Variants in GLT1D1 observed in about 807,000 individuals in gnomAD.
GLT1D1 encodes the protein glycosyltransferase 1 domain-containing protein 1.
Under a neutral mutation model 28.7 loss-of-function variants are expected in GLT1D1, and 21 were observed. The ratio of observed to expected loss-of-function variants is 0.73; its 90% CI spans 0.52 to 1.05. GLT1D1 has a LOEUF of 1.05. Ranked by LOEUF, GLT1D1 falls within the 50% of genes least tolerant of loss-of-function variation. GLT1D1 has a pLI of 0.00. For missense variants in GLT1D1, 343 were observed against 330.6 expected, an observed-to-expected ratio of 1.04 and a Z score of -0.29; for synonymous variants, 147 against 124.8, an observed-to-expected ratio of 1.18 and a Z score of -1.19.
intron 2 of GLT1D1, among the ~76,000 whole-genome samples, chr12:128,884,365 A>C (rs1957131045): frequency 6.6e-6 from 1 of 152,194 alleles, no homozygotes; most frequent in Non-Finnish European, 1.5e-5. Context: ...ATAGAAGCAG[A>C]GAGTAGTAGG....
intron 3 of GLT1D1, among the ~76,000 whole-genome samples, chr12:128,897,181 G>A (rs1367565423): frequency 6.6e-6 from 1 of 151,772 alleles, no homozygotes; most frequent in Non-Finnish European, 1.5e-5. Flanking sequence ...ACATTTTATG[G>A]TCCCTTATAT....
chr12:128,919,116 T>C (rs1398853171), intron 4 of GLT1D1, among the ~76,000 whole-genome samples: 3 of 152,208 alleles, frequency 2.0e-5, no homozygotes, highest in Non-Finnish European at 4.4e-5. Context: ...TTCGCATTTG[T>C]GCCATCGTTT....
intron 2 of GLT1D1, among the ~76,000 whole-genome samples, chr12:128,886,216 A>T (rs941858422): frequency 2.6e-5 from 4 of 152,152 alleles, no homozygotes. Flanking sequence ...GCCCAGACAT[A>T]TCCAATTGCC....
intron 5 of GLT1D1, among the ~76,000 whole-genome samples, chr12:128,946,719 GCTC>G (rs1876147989): frequency 8.0e-6 from 1 of 125,546 alleles, no homozygotes; most frequent in African/African-American, 3.1e-5. Flanking sequence ...CACAATCTCA[GCTC>G]ACTGCAATCT....
intron 3 of GLT1D1, among the ~76,000 whole-genome samples, chr12:128,898,778 A>C (rs1468752072): frequency 1.3e-5 from 2 of 152,204 alleles, no homozygotes; most frequent in African/African-American, 4.8e-5. Flanking sequence ...GCATTTCCTA[A>C]AGAAGCAATT....
rs541680473 is a variant in GLT1D1 at position 128,901,284 on chromosome 12, T to C, written c.375+1997T>C. Among the ~76,000 whole-genome samples the C allele has an allele frequency of 8.5e-5, 13 of 152,192 alleles. No homozygotes were observed. In the South Asian group the frequency reaches 1.7e-3, roughly 19 times the overall value. On this transcript the variant is annotated intron_variant, in intron 4 of 7. Coordinates refer to ENST00000281703, the MANE Select transcript of GLT1D1 (RefSeq NM_144669.3). ...TCAAATATTAACTTTTGAATACATG[T>C]TGTTATTTTTTTTTTAGTAGAGATG... is the stretch of plus-strand genomic sequence containing the variant.
chr12:128,921,836 C>T (rs758687823), intron 4 of GLT1D1, among the ~76,000 whole-genome samples: 4 of 152,040 alleles, frequency 2.6e-5, no homozygotes, highest in South Asian at 2.1e-4. Context: ...TTCATCTTGA[C>T]GTCACCTGCG....
chr12:128,871,924 A>AT (rs199678873), intron 1 of GLT1D1, among the ~76,000 whole-genome samples: 5,977 of 151,440 alleles, frequency 0.039, 160 homozygotes, highest in Non-Finnish European at 0.056. Context: ...TTCAAGGGTA[A>AT]TTTTTTTTTA....
At chr12:128,920,192 AT>A (rs759568932) in intron 4 of GLT1D1, among the ~76,000 whole-genome samples, 2 of 152,212 alleles carry the variant, frequency 1.3e-5, no homozygotes, top group African/African-American at 2.4e-5. Flanking sequence ...TTCAGCTATA[AT>A]TTAGTAAGTC....
chr12:128,911,458 A>G (rs1267910812), intron 4 of GLT1D1, among the ~76,000 whole-genome samples: 1 of 152,204 alleles, frequency 6.6e-6, no homozygotes, highest in Non-Finnish European at 1.5e-5. Flanking sequence ...GTATCCCTAC[A>G]CCGAGGAAGG....
chr12:128,975,083 C>A (rs470824), intron 7 of GLT1D1, among the ~76,000 whole-genome samples: 1 of 152,056 alleles, frequency 6.6e-6, no homozygotes, highest in Non-Finnish European at 1.5e-5. Flanking sequence ...CAGACTCCCA[C>A]GCTCCGTCAC....
intron 1 of GLT1D1, among the ~76,000 whole-genome samples, chr12:128,871,858 G>C (rs1333784889): frequency 6.6e-6 from 1 of 152,092 alleles, no homozygotes; most frequent in Non-Finnish European, 1.5e-5. Flanking sequence ...AAGAAAAAAG[G>C]GCTAGGTTGG....
At chr12:128,921,538 C>CT (rs1872655794) in intron 4 of GLT1D1, among the ~76,000 whole-genome samples, 1 of 151,280 alleles carries the variant, frequency 6.6e-6, no homozygotes, top group Admixed American at 6.6e-5. Flanking sequence ...TCTCGTGTGA[C>CT]TGAGTTGCAA....
chr12:128,863,854 G>A (rs986027892), intron 1 of GLT1D1, among the ~76,000 whole-genome samples: 18 of 149,908 alleles, frequency 1.2e-4, no homozygotes, highest in Admixed American at 3.4e-4. Flanking sequence ...GCTGAGGTAG[G>A]AGAATGGCGT....
At chr12:128,881,912 C>G (rs1957069445) in intron 2 of GLT1D1, among the ~76,000 whole-genome samples, 2 of 151,888 alleles carry the variant, frequency 1.3e-5, no homozygotes, top group South Asian at 4.1e-4. Flanking sequence ...CGTCCTATTT[C>G]CATTTCTCCC....
At chr12:128,952,925 T>C (rs1876878174) in intron 6 of GLT1D1, among the ~76,000 whole-genome samples, 1 of 151,874 alleles carries the variant, frequency 6.6e-6, no homozygotes, top group Admixed American at 6.6e-5. Flanking sequence ...ACCACAGGCA[T>C]GCACCACCAT....
chr12:128,917,367 C>T (rs1006900021), intron 4 of GLT1D1, among the ~76,000 whole-genome samples: 9 of 152,164 alleles, frequency 5.9e-5, no homozygotes, highest in Non-Finnish European at 1.2e-4. Context: ...CCTCCACCTC[C>T]TGGCTTCAAG....
chr12:128,919,824 A>G (rs1462319651), intron 4 of GLT1D1, among the ~76,000 whole-genome samples: 2 of 152,244 alleles, frequency 1.3e-5, no homozygotes, highest in African/African-American at 4.8e-5. Flanking sequence ...CAACACATCT[A>G]AAGTCATGAT....
chr12:128,964,885 G>T (rs902233640), intron 7 of GLT1D1, among the ~76,000 whole-genome samples: 5 of 152,186 alleles, frequency 3.3e-5, no homozygotes, highest in African/African-American at 1.2e-4. Flanking sequence ...GGAATCACCT[G>T]GGCAAAAGTT....
Sources: allele counts gnomAD v4.1 joint callset (sites outside exome capture counted in the v4.1 genomes callset), GRCh38; gene constraint gnomAD v4.1.1; transcripts MANE v1.5; gene names NCBI Gene and HGNC (gene_info 2026-07-23, HGNC 2026-07-21).